Variants in ATAD2B observed in about 807,000 individuals in gnomAD.
The protein encoded by ATAD2B is ATPase family AAA domain containing 2B.
In ATAD2B, 40 loss-of-function variants were observed where a neutral mutation model predicts 167.6. The ratio of observed to expected loss-of-function variants is 0.24; its 90% confidence interval spans 0.19 to 0.31. The LOEUF (loss-of-function observed/expected upper bound fraction) is 0.31, where lower values mean the gene tolerates loss of function less well. Ranked by LOEUF, ATAD2B falls within the 10% of genes least tolerant of loss-of-function variation. The probability of loss-of-function intolerance (pLI) is 1.00; values close to 1 mark genes in which losing one functional copy is unlikely to be tolerated. For synonymous variants in ATAD2B, 579 were observed against 596.5 expected (o/e 0.97, Z 0.43); for missense variants, 1,242 against 1,757.2 (o/e 0.71, Z 5.24).
At position 23,750,574 on chromosome 2, in the gene ATAD2B, G is replaced by T. The variant is rs1484556255; in HGVS notation, c.*1472C>A. ...TCTCTGCAGTAGTCCAAGACCATTC[G>T]CCCTAATTAAAACCCAAACTACATG... is the stretch of plus-strand genomic sequence containing the variant. On this transcript the variant is annotated 3_prime_UTR_variant, in exon 28 of 28. Transcript: ENST00000238789. 6.6e-6 allele frequency: 1 copy of T among 152,016 alleles called. No individual in the cohort carries two copies. Among genetic ancestry groups the T allele is most frequent in the Non-Finnish European group, 1.5e-5 (1 of 67,962 alleles). The allele number at this position is 152,016 out of a possible 1,614,324, so 9.4% of individuals were successfully genotyped here. A position where few individuals can be genotyped will look rare whatever the true frequency, so the allele number is the denominator to read the frequency against.
chr2:23,720,859 T>TGAGCCCAAC, the ATAD2B span, among the ~76,000 whole-genome samples: 1 of 148,012 alleles, frequency 6.8e-6, no homozygotes, highest in Admixed American at 6.8e-5. Flanking sequence ...ACCCCCACCC[T>TGAGCCCAAC]CACCCACTGT....
the ATAD2B span, chr2:23,706,566 G>A: frequency 4.6e-6 from 7 of 1,536,998 alleles, no homozygotes; most frequent in Admixed American, 2.0e-5. Flanking sequence ...GGAGGCCTAC[G>A]AGCCCACAAC....
At chr2:23,844,955 G>GA (rs34425877) in intron 13 of ATAD2B, among the ~76,000 whole-genome samples, 2 of 150,314 alleles carry the variant, frequency 1.3e-5, no homozygotes, top group African/African-American at 4.9e-5. Flanking sequence ...AGTCAAGAAG[G>GA]AAAAAAAAAC....
intron 6 of ATAD2B, among the ~76,000 whole-genome samples, chr2:23,883,809 A>G (rs917949727): frequency 6.6e-6 from 1 of 152,196 alleles, no homozygotes; most frequent in African/African-American, 2.4e-5. Flanking sequence ...ACTAATCTGC[A>G]TTTACAATCT....
At chr2:23,691,915 G>C in the ATAD2B span, 3 of 1,530,904 alleles carry the variant, frequency 2.0e-6, no homozygotes, top group Non-Finnish European at 2.6e-6. Context: ...GGGGGGAAGA[G>C]TGCAGATGGG....
intron 13 of ATAD2B, among the ~76,000 whole-genome samples, chr2:23,844,618 A>C (rs1197910694): frequency 6.6e-6 from 1 of 152,214 alleles, no homozygotes; most frequent in Non-Finnish European, 1.5e-5. Context: ...GATTAATAGC[A>C]GATTAGACAT....
intron 17 of ATAD2B, among the ~76,000 whole-genome samples, chr2:23,815,454 G>C (rs947046953): frequency 6.6e-6 from 1 of 152,188 alleles, no homozygotes; most frequent in African/African-American, 2.4e-5. Flanking sequence ...CACAGGAAGA[G>C]AAGGGGCGTA....
chr2:23,703,500 A>T, the ATAD2B span: 3 of 1,081,454 alleles, frequency 2.8e-6, no homozygotes, highest in Non-Finnish European at 3.9e-6. Context: ...CCAGATCTAG[A>T]GGGTGGCAGG....
rs573218027 is a variant in ATAD2B, at chr2:23,926,746, G to C, written c.25C>G (p.Leu9Val). The part of the protein sequence containing the change: MVNTRKSS[L>V]RLLGSKSPGP... Reference sequence around the variant, plus strand: ...GGAGACTTGGACCCGAGAAGGCGGAGAGAGCTCTTCCGGGTGTTCACCATG... The same window carrying C: ...GGAGACTTGGACCCGAGAAGGCGGACAGAGCTCTTCCGGGTGTTCACCATG... The change falls in exon 1 of 28, where the codon CTC becomes GTC. Residue 9 changes from leucine (L) to valine (V), a missense_variant. Coordinates refer to ENST00000238789, the MANE Select transcript of ATAD2B (RefSeq NM_017552.4). 2 of 1,547,304 alleles carry C rather than the reference G, an allele frequency of 1.3e-6. No homozygotes were observed. Among genetic ancestry groups the C allele is most frequent in the Non-Finnish European group, 1.7e-6 (2 of 1,145,848 alleles).
intron 6 of ATAD2B, among the ~76,000 whole-genome samples, chr2:23,882,001 G>A (rs1413728930): frequency 6.6e-6 from 1 of 152,086 alleles, no homozygotes; most frequent in African/African-American, 2.4e-5. Flanking sequence ...GGGATTACAG[G>A]CGTGAGCCAA....
chr2:23,759,512 G>A (rs1363910164), intron 24 of ATAD2B, among the ~76,000 whole-genome samples: 1 of 152,084 alleles, frequency 6.6e-6, no homozygotes, highest in African/African-American at 2.4e-5. Context: ...TTTAATTCCT[G>A]CTGCATCTCT....
chr2:23,859,068 C>T (rs1693924408), intron 12 of ATAD2B, among the ~76,000 whole-genome samples: 1 of 151,758 alleles, frequency 6.6e-6, no homozygotes, highest in Non-Finnish European at 1.5e-5. Context: ...ATCATTTTAC[C>T]CTCTAACCAG....
the ATAD2B span, among the ~76,000 whole-genome samples, chr2:23,683,959 G>A: frequency 6.6e-6 from 1 of 152,194 alleles, no homozygotes; most frequent in East Asian, 1.9e-4. Context: ...ACCATATCCA[G>A]CCCATCTTAC....
chr2:23,691,451 G>C, the ATAD2B span: 1 of 591,836 alleles, frequency 1.7e-6, no homozygotes, highest in South Asian at 2.0e-5. Flanking sequence ...TGGACATGCC[G>C]AGTAGTGATA....
At chr2:23,714,492 G>A in the ATAD2B span, among the ~76,000 whole-genome samples, 48 of 149,426 alleles carry the variant, frequency 3.2e-4, no homozygotes, top group African/African-American at 1.1e-3. Flanking sequence ...CACCCGCCTC[G>A]GCCTCCCAAA....
intron 14 of ATAD2B, among the ~76,000 whole-genome samples, chr2:23,829,619 G>T (rs1688747843): frequency 6.6e-6 from 1 of 152,114 alleles, no homozygotes; most frequent in African/African-American, 2.4e-5. Flanking sequence ...ATTGGGCATG[G>T]TGGTGCACGC....
At chr2:23,815,880 G>GT (rs1288127000) in intron 17 of ATAD2B, among the ~76,000 whole-genome samples, 2 of 152,036 alleles carry the variant, frequency 1.3e-5, no homozygotes, top group Admixed American at 1.3e-4. Flanking sequence ...TCTTCTAACA[G>GT]TTTATCTATC....
chr2:23,911,216 C>T (rs1430715788), intron 1 of ATAD2B, among the ~76,000 whole-genome samples: 4 of 147,512 alleles, frequency 2.7e-5, no homozygotes, highest in South Asian at 2.1e-4. Flanking sequence ...AGCGAAACTC[C>T]GTCTGGAAAA....
At chr2:23,696,306 T>G in the ATAD2B span, 206 of 1,549,848 alleles carry the variant, frequency 1.3e-4, 3 homozygotes, top group Admixed American at 3.8e-3. This position sits in a 1 kb window ranked among gnomAD's most constrained non-coding sequence, Gnocchi z 5.5. Context: ...CCCCGCCCGC[T>G]CTCTCTGCCT....
Sources: gnomAD v4.1 joint callset for allele counts (sites outside exome capture counted in the v4.1 genomes callset) on GRCh38, gnomAD v4.1.1 for gene constraint, Gnocchi (gnomAD v3.1) non-coding constraint, MANE v1.5 for transcripts, NCBI Gene and HGNC (gene_info 2026-07-23, HGNC 2026-07-21) for gene names.